Variants in RBKS observed in about 807,000 individuals in gnomAD.
RBKS encodes the protein ribokinase.
A neutral mutation model predicts 33.9 loss-of-function variants in RBKS; 33 were observed. The observed-to-expected ratio is 0.97, with a 90% CI of 0.74 to 1.30. The LOEUF is 1.30. Among genes scored for constraint, RBKS ranks in the 50% most tolerant of loss-of-function variants. The pLI, the probability that RBKS is intolerant of heterozygous loss-of-function variation, is 0.00. For missense variants in RBKS, 361 were observed against 392.6 expected (o/e 0.92, Z 0.68); for synonymous variants, 125 against 143.0 (o/e 0.87, Z 0.90).
intron 7 of RBKS, among the ~76,000 whole-genome samples, chr2:27,819,243 C>T (rs1193201469): frequency 6.6e-6 from 1 of 151,998 alleles, no homozygotes; most frequent in East Asian, 1.9e-4. Flanking sequence ...TGTAGGTGGC[C>T]ACCATCTTGC....
chr2:27,819,503 C>T (rs557205164), intron 7 of RBKS, among the ~76,000 whole-genome samples: 1 of 152,332 alleles, frequency 6.6e-6, no homozygotes, highest in South Asian at 2.1e-4. Context: ...ACCATTCCAT[C>T]CAGGACTGTT....
intron 5 of RBKS, among the ~76,000 whole-genome samples, chr2:27,836,927 C>T (rs1433304682): frequency 1.3e-5 from 2 of 150,692 alleles, no homozygotes; most frequent in Non-Finnish European, 2.9e-5. Context: ...CAGAGAAATG[C>T]AAATCAAACT....
chr2:27,856,127 G>A (rs7426295), intron 2 of RBKS, among the ~76,000 whole-genome samples: 53,188 of 152,112 alleles, frequency 0.35, 11,114 homozygotes, highest in East Asian at 0.63. Context: ...TAAGAAGTCT[G>A]AGAATATTAT....
intron 7 of RBKS, among the ~76,000 whole-genome samples, chr2:27,826,700 G>A (rs1678320147): frequency 6.6e-6 from 1 of 152,056 alleles, no homozygotes; most frequent in Non-Finnish European, 1.5e-5. Context: ...AGTGGCGCCT[G>A]GCAAGCTCTT....
At chr2:27,840,327 T>TACCC (rs1663457693) in intron 5 of RBKS, among the ~76,000 whole-genome samples, 1 of 117,810 alleles carries the variant, frequency 8.5e-6, no homozygotes, top group Admixed American at 8.9e-5. Flanking sequence ...GATGATGCAT[T>TACCC]ACACACACAC....
intron 7 of RBKS, among the ~76,000 whole-genome samples, chr2:27,793,830 A>G (rs958066848): frequency 2.6e-5 from 4 of 152,180 alleles, no homozygotes; most frequent in Non-Finnish European, 5.9e-5. Flanking sequence ...AGGTAGAATC[A>G]TGATGTCTGT....
At chr2:27,873,787 A>G (rs1664260576) in intron 1 of RBKS, among the ~76,000 whole-genome samples, 2 of 152,144 alleles carry the variant, frequency 1.3e-5, no homozygotes, top group South Asian at 4.1e-4. Context: ...TTTGACCATG[A>G]GAGACAAGCC....
At chr2:27,786,125 C>A (rs531909507) in intron 7 of RBKS, among the ~76,000 whole-genome samples, 3 of 152,178 alleles carry the variant, frequency 2.0e-5, no homozygotes, top group East Asian at 3.9e-4. Context: ...AGACAAATAC[C>A]TATCTATATG....
chr2:27,811,517 C>T (rs4233716), intron 7 of RBKS, among the ~76,000 whole-genome samples: 40,939 of 151,936 alleles, frequency 0.27, 6,453 homozygotes, highest in East Asian at 0.63. Flanking sequence ...GGAACTCCCA[C>T]GATGCTCTGA....
At chr2:27,849,658 T>C (rs1429135152) in intron 2 of RBKS, among the ~76,000 whole-genome samples, 1 of 150,274 alleles carries the variant, frequency 6.7e-6, no homozygotes, top group African/African-American at 2.5e-5. Flanking sequence ...CCTGAACCAC[T>C]GAACTATAAT....
chr2:27,781,450 A>C lies in RBKS; in HGVS notation c.*165T>G. The C allele has an allele frequency of 1.7e-6, 1 of 589,382 alleles. No individual in the cohort carries two copies. The allele number at this position is 589,382 out of a possible 1,614,324, so 36.5% of individuals were successfully genotyped here. On this transcript the variant is annotated 3_prime_UTR_variant, in exon 8 of 8. Coordinates refer to ENST00000302188, the MANE Select transcript of RBKS (RefSeq NM_022128.3). ...TTTTGTGCAAATGCATGGAAAGCAAAAGAATCATCGTTATAAATAAATTGA... is the reference window on the plus strand; with the variant it reads ...TTTTGTGCAAATGCATGGAAAGCAACAGAATCATCGTTATAAATAAATTGA...
At chr2:27,854,404 T>G (rs533071001) in intron 2 of RBKS, among the ~76,000 whole-genome samples, 1 of 152,174 alleles carries the variant, frequency 6.6e-6, no homozygotes, top group South Asian at 2.1e-4. Context: ...TATTTTCCAG[T>G]TGGACCCTGC....
At chr2:27,811,767 G>A (rs1196031528) in intron 7 of RBKS, among the ~76,000 whole-genome samples, 1 of 152,182 alleles carries the variant, frequency 6.6e-6, no homozygotes, top group African/African-American at 2.4e-5. Flanking sequence ...AGCACGGCAA[G>A]AGCATAAACT....
rs568100102 is a variant in RBKS at position 27,837,681 on chromosome 2, T to C, written c.515-4904A>G. Among the ~76,000 whole-genome samples the C allele has an allele frequency of 5.3e-5, 8 of 152,278 alleles. No homozygotes were observed. Among genetic ancestry groups the C allele is most frequent in the East Asian group, 3.9e-4 (2 of 5,178 alleles). ...TGAAATCATGTCCTTGGCAGCAACA[T>C]AGATGGAGCTGGAGGCCATAATCCT... On this transcript the variant is annotated intron_variant, in intron 5 of 7. Coordinates refer to ENST00000302188, the MANE Select transcript of RBKS (RefSeq NM_022128.3). The surrounding 1 kb of genome is among the most constrained non-coding windows in gnomAD (Gnocchi z 4.0).
chr2:27,783,165 G>A (rs969757961), intron 7 of RBKS, among the ~76,000 whole-genome samples: 7 of 152,114 alleles, frequency 4.6e-5, no homozygotes, highest in African/African-American at 1.7e-4. Context: ...CCAGGGGGCC[G>A]GGCGTGGTGG....
At chr2:27,845,596 A>G (rs1191463696) in intron 4 of RBKS, among the ~76,000 whole-genome samples, 1 of 152,256 alleles carries the variant, frequency 6.6e-6, no homozygotes, top group Non-Finnish European at 1.5e-5. Context: ...GTTGGCAGGA[A>G]TAGTTACTTA....
chr2:27,805,973 G>C (rs764770415), intron 7 of RBKS, among the ~76,000 whole-genome samples: 2 of 151,756 alleles, frequency 1.3e-5, no homozygotes, highest in Non-Finnish European at 2.9e-5. Context: ...CTCACTGTAG[G>C]CTCAACCTCC....
chr2:27,793,791 T>A (rs1677583625), intron 7 of RBKS, among the ~76,000 whole-genome samples: 1 of 152,208 alleles, frequency 6.6e-6, no homozygotes, highest in South Asian at 2.1e-4. Context: ...ATGTCCTTTT[T>A]TTCAGGAGAC....
intron 2 of RBKS, among the ~76,000 whole-genome samples, chr2:27,849,918 T>A (rs1268124243): frequency 6.6e-6 from 1 of 152,196 alleles, no homozygotes; most frequent in African/African-American, 2.4e-5. Context: ...GCTGGCATCT[T>A]ATCGACATCT....
Sources: allele counts gnomAD v4.1 joint callset (sites outside exome capture counted in the v4.1 genomes callset), GRCh38; gene constraint gnomAD v4.1.1; non-coding constraint Gnocchi (gnomAD v3.1); transcripts MANE v1.5; gene names NCBI Gene and HGNC (gene_info 2026-07-23, HGNC 2026-07-21).